Variants in PRKCB observed in about 807,000 individuals in gnomAD.
PRKCB encodes protein kinase C beta.
In PRKCB, 13 loss-of-function variants were observed where a neutral mutation model predicts 81.5. That is an observed-to-expected ratio of 0.16 (90% CI 0.10 to 0.25). The LOEUF (loss-of-function observed/expected upper bound fraction) is 0.25. PRKCB is among the 10% of genes least tolerant of loss of function. The pLI is 1.00. For missense variants in PRKCB, 509 were observed against 875.7 expected, an observed-to-expected ratio of 0.58 and a Z score of 5.29; for synonymous variants, 335 against 321.4, an observed-to-expected ratio of 1.04 and a Z score of -0.45.
At chr16:23,952,529 G>A (rs945949310) in intron 2 of PRKCB, among the ~76,000 whole-genome samples, 1 of 152,268 alleles carries the variant, frequency 6.6e-6, no homozygotes, top group African/African-American at 2.4e-5. Context: ...TTGTTTCTGG[G>A]AGGGTGGGGC....
chr16:24,107,581 C>G (rs557870521), intron 7 of PRKCB, among the ~76,000 whole-genome samples: 2 of 152,346 alleles, frequency 1.3e-5, no homozygotes, highest in Admixed American at 1.3e-4. Context: ...CTGTGCATCT[C>G]AAAGTCAGAA....
At chr16:24,078,843 G>C (rs1021267370) in intron 5 of PRKCB, among the ~76,000 whole-genome samples, 4 of 152,286 alleles carry the variant, frequency 2.6e-5, no homozygotes, top group African/African-American at 9.6e-5. Context: ...AATGACCAGG[G>C]AAACCGCTGT....
chr16:24,061,084 A>G (rs1485444948), intron 5 of PRKCB, among the ~76,000 whole-genome samples: 1 of 151,572 alleles, frequency 6.6e-6, no homozygotes, highest in Non-Finnish European at 1.5e-5. Context: ...TTTTTGAGAC[A>G]GGGTCTTGCT....
chr16:24,180,602 C>T (rs1035228912), intron 12 of PRKCB, among the ~76,000 whole-genome samples, 188 bp from the exon 13 acceptor site: 10 of 152,062 alleles, frequency 6.6e-5, no homozygotes, highest in African/African-American at 2.4e-4. Context: ...AAGAAAAGCA[C>T]GGAGGCTTGC....
intron 7 of PRKCB, among the ~76,000 whole-genome samples, chr16:24,109,908 C>T (rs1455021475): frequency 2.5e-4 from 31 of 126,406 alleles, no homozygotes; most frequent in African/African-American, 1.1e-3. Context: ...GGCTGGAGAC[C>T]GGCCTGGCCA....
At chr16:23,988,395 G>C in intron 2 of PRKCB, 113 bp from the exon 3 acceptor site, 1 of 790,594 alleles carries the variant, frequency 1.3e-6, no homozygotes, top group Non-Finnish European at 2.1e-6. Context: ...TTGGCATAAA[G>C]GCTTTACTTG....
intron 16 of PRKCB, among the ~76,000 whole-genome samples, chr16:24,205,133 T>G (rs1018892124): frequency 1.3e-5 from 2 of 149,166 alleles, no homozygotes; most frequent in South Asian, 4.2e-4. Flanking sequence ...AAAAAAATTA[T>G]TATTATAATT....
intron 11 of PRKCB, among the ~76,000 whole-genome samples, chr16:24,172,759 C>T (rs1166701865): frequency 2.0e-5 from 3 of 152,158 alleles, no homozygotes; most frequent in Non-Finnish European, 4.4e-5. Context: ...ACTCAAAGCT[C>T]TAAAACCACA....
intron 2 of PRKCB, among the ~76,000 whole-genome samples, chr16:23,898,227 C>T (rs895579773): frequency 4.6e-5 from 7 of 152,172 alleles, no homozygotes; most frequent in African/African-American, 9.6e-5. Context: ...CACCACACCT[C>T]GCTAATTTTT....
At chr16:24,127,054 G>A (rs1209463454) in intron 9 of PRKCB, among the ~76,000 whole-genome samples, 1 of 141,632 alleles carries the variant, frequency 7.1e-6, no homozygotes, top group African/African-American at 2.7e-5. Flanking sequence ...TGCCCAGGCT[G>A]GAGTGCAATG....
chr16:23,972,088 G>C (rs1020108265), intron 2 of PRKCB, among the ~76,000 whole-genome samples: 4 of 152,120 alleles, frequency 2.6e-5, no homozygotes, highest in Admixed American at 6.5e-5. Context: ...TCATATAATG[G>C]AATATTATTC....
intron 9 of PRKCB, among the ~76,000 whole-genome samples, chr16:24,128,155 T>G (rs898998382): frequency 3.3e-5 from 5 of 152,050 alleles, no homozygotes; most frequent in African/African-American, 9.7e-5. Context: ...GGTGGGCAGA[T>G]CACAAAGTCA....
chr16:24,163,213 T>G (rs1208613604), intron 10 of PRKCB, among the ~76,000 whole-genome samples: 2 of 152,178 alleles, frequency 1.3e-5, no homozygotes, highest in Non-Finnish European at 2.9e-5. Flanking sequence ...AGGGAATAAT[T>G]GGTGCTCATG....
At chr16:24,059,461 C>G (rs758466270) in intron 5 of PRKCB, among the ~76,000 whole-genome samples, 2 of 151,836 alleles carry the variant, frequency 1.3e-5, no homozygotes, top group Non-Finnish European at 2.9e-5. Flanking sequence ...AGTTCAAGAC[C>G]ATCCTGGATG....
In PRKCB at chr16:24,057,212, A is replaced by G. The variant is rs143934470; in HGVS notation, c.529+21665A>G. Among the ~76,000 whole-genome samples the G allele has an allele frequency of 2.8e-3, 432 of 152,342 alleles. 4 individuals carry two copies. The highest frequency in any genetic ancestry group is 0.024 in the Middle Eastern group (7 of 294). On this transcript the variant is annotated intron_variant, in intron 5 of 16. Coordinates refer to ENST00000643927, the MANE Select transcript of PRKCB (RefSeq NM_002738.7). Reference sequence around the variant, plus strand: ...ACACTTTTGGGAATGGGAAGGGCCAACAGTGCTTCTTTGGTCCCATTAGAT... The same window carrying G: ...ACACTTTTGGGAATGGGAAGGGCCAGCAGTGCTTCTTTGGTCCCATTAGAT...
At position 24,154,699 on chromosome 16, in the gene PRKCB, C is replaced by G; in HGVS notation, c.1081C>G (p.Arg361Gly). The change falls in exon 10 of 17, where the codon CGA (arginine) becomes GGA (glycine). Residue 361 changes from arginine (R) to glycine (G), a missense_variant. Coordinates refer to ENST00000643927, the MANE Select transcript of PRKCB (RefSeq NM_002738.7). ...TCTTTCCCAGGTCATGCTTTCAGAA[C>G]GAAAAGGCACAGATGAGCTCTATGC... ...GSFGKVMLSE[R>G]KGTDELYAVK... 6.2e-7 allele frequency: 1 copy of G among 1,614,082 alleles called. No individual in the cohort carries two copies.
chr16:24,025,003 G>C (rs541165358), intron 3 of PRKCB, among the ~76,000 whole-genome samples: 9 of 152,264 alleles, frequency 5.9e-5, no homozygotes, highest in African/African-American at 2.2e-4. Context: ...TGGGTGGGTA[G>C]AGTTGGTGCC....
At chr16:24,139,110 C>A (rs1263891279) in intron 9 of PRKCB, among the ~76,000 whole-genome samples, 1 of 152,100 alleles carries the variant, frequency 6.6e-6, no homozygotes, top group Non-Finnish European at 1.5e-5. Context: ...TCTCAGCCTC[C>A]CCAAGTGCTG....
chr16:24,129,792 C>T (rs1966850669), intron 9 of PRKCB, among the ~76,000 whole-genome samples: 1 of 152,152 alleles, frequency 6.6e-6, no homozygotes. Context: ...AATTATGGAA[C>T]ATTATGATTG....
Sources: allele counts gnomAD v4.1 joint callset (sites outside exome capture counted in the v4.1 genomes callset), GRCh38; gene constraint gnomAD v4.1.1; transcripts MANE v1.5; gene names NCBI Gene and HGNC (gene_info 2026-07-23, HGNC 2026-07-21).